The following NXPE2 variants were observed in gnomAD, a reference collection of about 807,000 sequenced individuals.
NXPE2 encodes NXPE family member 2.
NXPE2 carries 34 observed loss-of-function variants against 34.4 expected under a neutral mutation model. The ratio of observed to expected loss-of-function variants is 0.99; its 90% CI spans 0.75 to 1.31. The LOEUF (loss-of-function observed/expected upper bound fraction) is 1.31. Ranked by LOEUF, NXPE2 falls within the 40% of genes most tolerant of loss-of-function variation. The probability of loss-of-function intolerance (pLI) is 0.00; values close to 1 mark genes in which losing one functional copy is unlikely to be tolerated. For synonymous variants in NXPE2, 235 were observed against 231.3 expected, an observed-to-expected ratio of 1.02 and a Z score of -0.15; for missense variants, 649 against 672.5, an observed-to-expected ratio of 0.97 and a Z score of 0.39.
At chr11:114,724,900 T>C in the NXPE2 span, among the ~76,000 whole-genome samples, 2 of 150,620 alleles carry the variant, frequency 1.3e-5, no homozygotes, top group African/African-American at 2.4e-5. Context: ...GTTTTTTTTT[T>C]TTTTTTTTTA....
intron 3 of NXPE2, among the ~76,000 whole-genome samples, chr11:114,701,424 C>T (rs1951362628): frequency 6.6e-6 from 1 of 152,170 alleles, no homozygotes; most frequent in South Asian, 2.1e-4. Flanking sequence ...GGGTCCTAAT[C>T]AGGCTTCTCA....
the NXPE2 span, among the ~76,000 whole-genome samples, chr11:114,794,545 G>A: frequency 1.3e-5 from 2 of 152,120 alleles, no homozygotes; most frequent in Non-Finnish European, 2.9e-5. Flanking sequence ...TATCAGACTT[G>A]CAGAATCCAA....
At chr11:114,557,654 T>C in the NXPE2 span, among the ~76,000 whole-genome samples, 1 of 141,050 alleles carries the variant, frequency 7.1e-6, no homozygotes, top group Admixed American at 7.2e-5. Context: ...TATATATATA[T>C]ATATATATAT....
the NXPE2 span, among the ~76,000 whole-genome samples, chr11:114,638,333 C>T: frequency 1.3e-5 from 2 of 151,968 alleles, no homozygotes; most frequent in African/African-American, 4.8e-5. Context: ...TTAAGCACTT[C>T]TCTGTATTGG....
chr11:114,709,010 A>G (rs1175535383), downstream of NXPE2, among the ~76,000 whole-genome samples: 1 of 152,170 alleles, frequency 6.6e-6, no homozygotes, highest in Non-Finnish European at 1.5e-5. Flanking sequence ...CAACAAATTG[A>G]ATGTTTTAAT....
chr11:114,700,099 T>G (rs1951337484), intron 3 of NXPE2, among the ~76,000 whole-genome samples: 1 of 152,186 alleles, frequency 6.6e-6, no homozygotes, highest in Non-Finnish European at 1.5e-5. Context: ...CAGCCCATTC[T>G]TTCAATTTAT....
chr11:114,708,520 T>C (rs1951507450), downstream of NXPE2, among the ~76,000 whole-genome samples: 1 of 151,940 alleles, frequency 6.6e-6, no homozygotes. Flanking sequence ...AGTGAAGTTA[T>C]AATGCTGTAA....
At chr11:114,606,427 G>T in the NXPE2 span, among the ~76,000 whole-genome samples, 10 of 150,504 alleles carry the variant, frequency 6.6e-5, 1 homozygote, top group South Asian at 1.5e-3. Flanking sequence ...GTATTGCCTC[G>T]TGGGTAACCA....
At chr11:114,632,608 T>C in the NXPE2 span, among the ~76,000 whole-genome samples, 1 of 103,710 alleles carries the variant, frequency 9.6e-6, no homozygotes, top group South Asian at 2.5e-4. Flanking sequence ...TATATATTTA[T>C]ATTTTATATA....
At chr11:114,530,343 A>G in the NXPE2 span, 1 of 1,614,246 alleles carries the variant, frequency 6.2e-7, no homozygotes, top group Non-Finnish European at 8.5e-7. Flanking sequence ...GTTTAGGGTC[A>G]GGCCACATTC....
chr11:114,565,294 G>A, the NXPE2 span, among the ~76,000 whole-genome samples: 1 of 152,094 alleles, frequency 6.6e-6, no homozygotes, highest in Non-Finnish European at 1.5e-5. Flanking sequence ...CTTTATTGTA[G>A]GCCATGCCCT....
chr11:114,554,157 A>T, the NXPE2 span: 1 of 985,446 alleles, frequency 1.0e-6, no homozygotes, highest in Non-Finnish European at 1.2e-6. Flanking sequence ...ATCAATGTAC[A>T]GAGCCCGCTA....
chr11:114,618,700 T>C, the NXPE2 span, among the ~76,000 whole-genome samples: 1 of 152,186 alleles, frequency 6.6e-6, no homozygotes, highest in East Asian at 1.9e-4. Flanking sequence ...TAATAAGTGC[T>C]GTGTCGTGGG....
At chr11:114,622,046 A>C in the NXPE2 span, among the ~76,000 whole-genome samples, 160 of 152,230 alleles carry the variant, frequency 1.1e-3, 1 homozygote, top group Admixed American at 8.4e-3. Flanking sequence ...AGTGGATAAT[A>C]AGTATTCCTT....
At chr11:114,665,056 G>C in the NXPE2 span, among the ~76,000 whole-genome samples, 3 of 152,134 alleles carry the variant, frequency 2.0e-5, no homozygotes, top group Non-Finnish European at 2.9e-5. Flanking sequence ...GGGCACATCT[G>C]TACACAGCAT....
chr11:114,678,705 A>G, intron 1 of NXPE2, 104 bp downstream of exon 1: 1 of 803,780 alleles, frequency 1.2e-6, no homozygotes, highest in Non-Finnish European at 2.0e-6. Flanking sequence ...AACCCTTTAG[A>G]GGATAGTAAA....
At chr11:114,541,551 G>A in the NXPE2 span, among the ~76,000 whole-genome samples, 1 of 152,194 alleles carries the variant, frequency 6.6e-6, no homozygotes, top group African/African-American at 2.4e-5. Flanking sequence ...GAGAACATGT[G>A]CCCAAGGTGG....
the NXPE2 span, among the ~76,000 whole-genome samples, chr11:114,744,602 G>C: frequency 3.9e-5 from 6 of 152,228 alleles, no homozygotes; most frequent in Middle Eastern, 3.4e-3. Context: ...TTGAGTTCAG[G>C]AGTTTGAGAC....
At chr11:114,764,417 T>C in the NXPE2 span, among the ~76,000 whole-genome samples, 1 of 62,262 alleles carries the variant, frequency 1.6e-5, no homozygotes, top group Non-Finnish European at 3.1e-5. Flanking sequence ...TACTTTCAAA[T>C]AGTTTTCTTT....
Sources: allele counts gnomAD v4.1 joint callset (sites outside exome capture counted in the v4.1 genomes callset), GRCh38; gene constraint gnomAD v4.1.1; transcripts MANE v1.5; gene names NCBI Gene and HGNC (gene_info 2026-07-23, HGNC 2026-07-21).